The following MICAL3 variants were observed in gnomAD, a reference collection of about 807,000 sequenced individuals.
MICAL3 encodes the protein [F-actin]-monooxygenase MICAL3.
In MICAL3, 62 loss-of-function variants were observed where a neutral mutation model predicts 207.4. That is an observed-to-expected ratio of 0.30 (90% CI 0.24 to 0.37). The LOEUF is 0.37. Ranked by LOEUF, MICAL3 falls within the 10% of genes least tolerant of loss-of-function variation. MICAL3 has a pLI of 1.00. For missense variants in MICAL3, 2,368 were observed against 2,635.6 expected, an observed-to-expected ratio of 0.90 and a Z score of 2.22; for synonymous variants, 1,077 against 1,069.3, an observed-to-expected ratio of 1.01 and a Z score of -0.14.
rs902013238 is a variant in MICAL3 at position 17,790,479 on chromosome 22, C to G, written c.*253G>C. On this transcript the variant is annotated 3_prime_UTR_variant, in exon 32 of 32. Coordinates refer to ENST00000441493, the MANE Select transcript of MICAL3 (RefSeq NM_015241.3). ...GGGTGGTCCCCTGCGTCATGCCATA[C>G]ACGCCGTGCTGCTCCTCTGAGTGGG... is the stretch of plus-strand genomic sequence containing the variant. The G allele has an allele frequency of 1.1e-4, 62 of 543,304 alleles. 1 individual carries two copies. In the South Asian group the frequency reaches 1.2e-3, roughly 11 times the overall value. 33.7% of individuals were successfully genotyped at this position (543,304 alleles called of 1,614,324 possible).
intron 1 of MICAL3, among the ~76,000 whole-genome samples, chr22:18,003,594 C>T (rs1452965688): frequency 6.6e-6 from 1 of 152,140 alleles, no homozygotes; most frequent in African/African-American, 2.4e-5. Context: ...ACTTTCTAAC[C>T]ACTCCTTGGG....
intron 1 of MICAL3, among the ~76,000 whole-genome samples, chr22:17,910,579 T>C (rs1932067800): frequency 6.6e-6 from 1 of 152,178 alleles, no homozygotes; most frequent in Non-Finnish European, 1.5e-5. Context: ...GGATGGCTCC[T>C]GGAACAATGC....
intron 29 of MICAL3, among the ~76,000 whole-genome samples, chr22:17,801,622 G>A (rs1192878799): frequency 1.3e-5 from 2 of 151,300 alleles, no homozygotes; most frequent in South Asian, 2.1e-4. Flanking sequence ...GGCTGGGCGC[G>A]GTGGCTCAGG....
At chr22:17,906,911 G>A (rs1931761435) in intron 1 of MICAL3, 25 bp from the exon 2 acceptor site, 6 of 1,220,954 alleles carry the variant, frequency 4.9e-6, no homozygotes, top group South Asian at 1.5e-5. Flanking sequence ...GAAAAACGTG[G>A]TTAGCATTTC....
chr22:17,887,493 G>C, intron 13 of MICAL3, 58 bp from the exon 14 acceptor site: 1 of 1,118,354 alleles, frequency 8.9e-7, no homozygotes, highest in Non-Finnish European at 1.3e-6. Context: ...GCAAAATCCT[G>C]ACCAAAACTA....
At chr22:18,019,194 C>CA (rs1010901572) in intron 1 of MICAL3, 33 of 144,576 alleles carry the variant, frequency 2.3e-4, no homozygotes, top group South Asian at 4.4e-4. Context: ...GACCCTGTCT[C>CA]AAAAAAAAAA....
At chr22:17,953,125 A>G (rs1002258417) in intron 1 of MICAL3, among the ~76,000 whole-genome samples, 16 of 151,970 alleles carry the variant, frequency 1.1e-4, no homozygotes, top group African/African-American at 3.9e-4. Flanking sequence ...AGCGGGAAGC[A>G]CTCCCATATC....
intron 20 of MICAL3, among the ~76,000 whole-genome samples, chr22:17,839,153 T>A (rs554285922): frequency 1.3e-5 from 2 of 151,762 alleles, no homozygotes; most frequent in East Asian, 3.9e-4. Flanking sequence ...GGTTTCATCA[T>A]GTTACTGCTG....
chr22:17,865,829 C>T (rs186822717), intron 18 of MICAL3, 95 bp downstream of exon 18: 105 of 966,606 alleles, frequency 1.1e-4, no homozygotes, highest in African/African-American at 1.0e-3. Context: ...GAGGCAAGGA[C>T]GCAGGGGCAT....
Position 17,889,155 on chromosome 22 carries a change from C to T in MICAL3, c.1770G>A (p.Leu590=), listed in dbSNP as rs889055032. The T allele has an allele frequency of 1.2e-6, 2 of 1,613,868 alleles. No individual in the cohort carries two copies. Among genetic ancestry groups the T allele is most frequent in the Non-Finnish European group, 1.7e-6 (2 of 1,179,762 alleles). ...TGCCTGTCATGATGGGAGAAATGCC[C>T]AATTCCTTCTCAGCAATGTCAAAGG... is the stretch of plus-strand genomic sequence containing the variant. ...QLAFDIAEKE[L]GISPIMTGKE... Residue 590 remains leucine (L), a synonymous_variant, in exon 13 of 32, where the codon TTG becomes TTA. Transcript: ENST00000441493.
chr22:17,827,896 A>G (rs902573966), intron 21 of MICAL3, 115 bp from the exon 22 acceptor site: 4 of 1,126,182 alleles, frequency 3.6e-6, no homozygotes, highest in Non-Finnish European at 4.9e-6. Context: ...AGTATGAATC[A>G]GAAAGAAGTA....
At chr22:17,889,396 T>C (rs1050552723) in intron 12 of MICAL3, among the ~76,000 whole-genome samples, 166 bp from the exon 13 acceptor site, 1 of 152,194 alleles carries the variant, frequency 6.6e-6, no homozygotes, top group Non-Finnish European at 1.5e-5. Context: ...TCTTGTTCTT[T>C]TTCTTTTTAC....
chr22:18,021,278 C>G (rs1341062017), intron 1 of MICAL3, among the ~76,000 whole-genome samples: 1 of 152,248 alleles, frequency 6.6e-6, no homozygotes, highest in East Asian at 1.9e-4. Context: ...TGGCAGCCCT[C>G]ACATGGCTGG....
chr22:17,889,302 G>C, intron 12 of MICAL3, 72 bp from the exon 13 acceptor site: 2 of 1,124,890 alleles, frequency 1.8e-6, no homozygotes, highest in Non-Finnish European at 2.6e-6. Flanking sequence ...GTATCCTGGA[G>C]TCATCGTCCT....
chr22:17,926,021 C>T (rs1486996333), intron 1 of MICAL3, among the ~76,000 whole-genome samples: 5 of 152,156 alleles, frequency 3.3e-5, no homozygotes, highest in Non-Finnish European at 1.5e-5. Flanking sequence ...AACGCACAGG[C>T]ATTTTAAGTG....
intron 3 of MICAL3, among the ~76,000 whole-genome samples, chr22:17,904,300 C>G (rs1040092601): frequency 6.6e-6 from 1 of 152,242 alleles, no homozygotes; most frequent in African/African-American, 2.4e-5. Flanking sequence ...TGGGCCCAAA[C>G]TGGTCATCGT....
At chr22:17,888,961 C>CGGAA in intron 13 of MICAL3, 73 bp downstream of exon 13, 2 of 1,075,104 alleles carry the variant, frequency 1.9e-6, no homozygotes, top group Non-Finnish European at 2.7e-6. Flanking sequence ...GCGGGACAGT[C>CGGAA]GGAAGGAAGG....
intron 1 of MICAL3, among the ~76,000 whole-genome samples, chr22:18,012,318 G>A (rs920749091): frequency 2.0e-5 from 3 of 152,208 alleles, no homozygotes; most frequent in African/African-American, 7.2e-5. Context: ...CCTGAGGAGC[G>A]AGTGGACAGC....
intron 17 of MICAL3, among the ~76,000 whole-genome samples, chr22:17,866,623 T>C (rs1201614347): frequency 9.0e-5 from 12 of 133,466 alleles, no homozygotes; most frequent in African/African-American, 2.7e-4. Flanking sequence ...CAGAATAGAA[T>C]AGAATAGAAT....
Sources: allele counts gnomAD v4.1 joint callset (sites outside exome capture counted in the v4.1 genomes callset), GRCh38; gene constraint gnomAD v4.1.1; transcripts MANE v1.5; gene names NCBI Gene and HGNC (gene_info 2026-07-23, HGNC 2026-07-21).